Variants in HIVEP2 observed in about 807,000 individuals in gnomAD.
The protein encoded by HIVEP2 is transcription factor HIVEP2.
Under a neutral mutation model 180.7 loss-of-function variants are expected in HIVEP2, and 14 were observed. That is an observed-to-expected ratio of 0.08 (90% CI 0.05 to 0.12). The LOEUF is 0.12. Ranked by LOEUF, HIVEP2 falls within the 10% of genes least tolerant of loss-of-function variation. The probability of loss-of-function intolerance (pLI) is 1.00; values close to 1 mark genes in which losing one functional copy is unlikely to be tolerated. For synonymous variants in HIVEP2, 1,184 were observed against 1,136.4 expected (o/e 1.04, Z -0.84); for missense variants, 2,579 against 3,008.5 (o/e 0.86, Z 3.34).
At chr6:142,755,880 T>C (rs1344192331) in intron 9 of HIVEP2, among the ~76,000 whole-genome samples, 2 of 152,124 alleles carry the variant, frequency 1.3e-5, no homozygotes, top group African/African-American at 4.8e-5. Flanking sequence ...CTACACATCC[T>C]CTCTCCTCTC....
intron 1 of HIVEP2, among the ~76,000 whole-genome samples, chr6:142,908,949 C>T (rs1270819238): frequency 6.6e-6 from 1 of 150,734 alleles, no homozygotes; most frequent in Non-Finnish European, 1.5e-5. Context: ...CATAATTTAA[C>T]CTGTTTTGTA....
intron 1 of HIVEP2, among the ~76,000 whole-genome samples, chr6:142,926,257 G>A (rs914992242): frequency 2.0e-4 from 30 of 151,830 alleles, no homozygotes; most frequent in Non-Finnish European, 4.4e-4. Flanking sequence ...ATAAATCCAG[G>A]GCTTTGACAC....
At chr6:142,817,716 T>C (rs956686690) in intron 2 of HIVEP2, among the ~76,000 whole-genome samples, 5 of 152,092 alleles carry the variant, frequency 3.3e-5, no homozygotes, top group Non-Finnish European at 5.9e-5. Context: ...CGCAAGAAAG[T>C]GACACTTAAA....
At chr6:142,900,252 A>C (rs552120630) in intron 1 of HIVEP2, among the ~76,000 whole-genome samples, 7 of 152,326 alleles carry the variant, frequency 4.6e-5, no homozygotes, top group African/African-American at 1.7e-4. Context: ...TTGAATGAAG[A>C]AACTAAACAA....
At chr6:142,857,883 T>C (rs1775866061) in intron 1 of HIVEP2, among the ~76,000 whole-genome samples, 1 of 152,156 alleles carries the variant, frequency 6.6e-6, no homozygotes, top group Non-Finnish European at 1.5e-5. Flanking sequence ...GGCTGCTGTC[T>C]AGGAGGGGCT....
intron 1 of HIVEP2, among the ~76,000 whole-genome samples, chr6:142,916,718 C>G (rs1201622437): frequency 6.6e-6 from 1 of 152,150 alleles, no homozygotes; most frequent in African/African-American, 2.4e-5. Flanking sequence ...AATTCTACAG[C>G]TGTATGATTG....
chr6:142,786,648 G>A (rs1776005686), intron 2 of HIVEP2, among the ~76,000 whole-genome samples: 1 of 152,170 alleles, frequency 6.6e-6, no homozygotes, highest in South Asian at 2.1e-4. Context: ...ATGCTTATAG[G>A]TTATTACTAT....
intron 1 of HIVEP2, among the ~76,000 whole-genome samples, chr6:142,908,110 C>G (rs1229362459): frequency 2.0e-5 from 3 of 152,162 alleles, no homozygotes; most frequent in African/African-American, 4.8e-5. Flanking sequence ...CCAGGCCTTC[C>G]TACTTATGAT....
chr6:142,816,293 CA>C (rs1209792463), intron 2 of HIVEP2, among the ~76,000 whole-genome samples: 2 of 152,182 alleles, frequency 1.3e-5, no homozygotes, highest in African/African-American at 4.8e-5. Context: ...AGTTCACAGC[CA>C]ATGATTTATT....
chr6:142,937,657 A>G (rs1311186415), intron 1 of HIVEP2, among the ~76,000 whole-genome samples: 1 of 152,204 alleles, frequency 6.6e-6, no homozygotes, highest in Non-Finnish European at 1.5e-5. Flanking sequence ...AATATTTGAA[A>G]TAATTTTGAT....
chr6:142,760,655 T>A lies in HIVEP2; in HGVS notation c.5633A>T (p.Asp1878Val), dbSNP rs935478731. The A allele has an allele frequency of 6.3e-7, 1 of 1,592,400 alleles. No individual in the cohort carries two copies. Among genetic ancestry groups the A allele is most frequent in the Non-Finnish European group, 8.5e-7 (1 of 1,170,414 alleles). Residue 1878 changes from aspartate (D) to valine (V), a missense_variant, in exon 9 of 10, where the codon GAT becomes GTT. By Grantham distance (152) the Asp-to-Val change is radical (BLOSUM62 -3). Coordinates refer to ENST00000367603, the MANE Select transcript of HIVEP2 (RefSeq NM_006734.4). ...ATGCTTCTCTGCTGCTTTGTGCAAA[T>A]CTTCCAAATTTTCTGAAACAATTAA... ...TETEEAENLE[D>V]LHKAAEKHSM...
At chr6:142,922,094 C>G (rs1777696938) in intron 1 of HIVEP2, among the ~76,000 whole-genome samples, 1 of 152,134 alleles carries the variant, frequency 6.6e-6, no homozygotes. Flanking sequence ...CCTCATCTTA[C>G]ATCTCTATCC....
intron 1 of HIVEP2, among the ~76,000 whole-genome samples, chr6:142,915,544 C>T (rs1380844531): frequency 1.3e-5 from 2 of 152,178 alleles, no homozygotes; most frequent in East Asian, 1.9e-4. Flanking sequence ...TTTTCAGCCA[C>T]CCAGCATGTG....
At chr6:142,903,757 G>C (rs565763066) in intron 1 of HIVEP2, among the ~76,000 whole-genome samples, 1 of 152,166 alleles carries the variant, frequency 6.6e-6, no homozygotes, top group African/African-American at 2.4e-5. Flanking sequence ...CCTTTTTAAA[G>C]AGTGTTATCA....
intron 1 of HIVEP2, among the ~76,000 whole-genome samples, chr6:142,929,910 A>C (rs1459210688): frequency 6.6e-6 from 1 of 152,222 alleles, no homozygotes; most frequent in African/African-American, 2.4e-5. Flanking sequence ...TGTATCTGAC[A>C]GGCTGACTTG....
intron 1 of HIVEP2, among the ~76,000 whole-genome samples, chr6:142,872,182 G>T (rs528670403): frequency 2.6e-5 from 4 of 152,278 alleles, no homozygotes; most frequent in African/African-American, 9.6e-5. Context: ...AGTAGTTGGG[G>T]AAATCATTTC....
intron 2 of HIVEP2, among the ~76,000 whole-genome samples, chr6:142,812,496 T>C (rs1776723530): frequency 6.6e-6 from 1 of 152,198 alleles, no homozygotes. Context: ...TGTTTCTAAG[T>C]ATCCTATACC....
chr6:142,793,341 T>A (rs1254402521), intron 2 of HIVEP2, among the ~76,000 whole-genome samples: 1 of 152,164 alleles, frequency 6.6e-6, no homozygotes, highest in Non-Finnish European at 1.5e-5. Flanking sequence ...ATTTAGGGAA[T>A]ATTTACTGAT....
At chr6:142,761,926 G>T (rs638880) in intron 7 of HIVEP2, among the ~76,000 whole-genome samples, 42,743 of 152,028 alleles carry the variant, frequency 0.28, 6,319 homozygotes, top group Middle Eastern at 0.48. Flanking sequence ...GGACTCCACA[G>T]AAACAGGAAA....
Sources: gnomAD v4.1 joint callset for allele counts (sites outside exome capture counted in the v4.1 genomes callset) on GRCh38, gnomAD v4.1.1 for gene constraint, MANE v1.5 for transcripts, NCBI Gene and HGNC (gene_info 2026-07-23, HGNC 2026-07-21) for gene names.